The following HPN variants were observed in gnomAD, a reference collection of about 807,000 sequenced individuals.
HPN encodes the protein serine protease hepsin.
In HPN, 13 loss-of-function variants were observed where a neutral mutation model predicts 55.9. The ratio of observed to expected loss-of-function variants is 0.23; its 90% CI spans 0.15 to 0.37. The LOEUF is 0.37. Ranked by LOEUF, HPN falls within the 10% of genes least tolerant of loss-of-function variation. HPN has a pLI of 1.00. For missense variants in HPN, 451 were observed against 575.8 expected (o/e 0.78, Z 2.22); for synonymous variants, 225 against 240.3 (o/e 0.94, Z 0.59).
chr19:35,060,648 A>C lies in HPN; in HGVS notation c.642A>C (p.Arg214=). The C allele has an allele frequency of 4.3e-6, 7 of 1,614,082 alleles. No homozygotes were observed. The highest frequency in any genetic ancestry group is 4.2e-6 in the Non-Finnish European group (5 of 1,180,036). Residue 214 remains arginine (R), a synonymous_variant, in exon 9 of 13, where the codon CGA becomes CGC. Coordinates refer to ENST00000672452, the MANE Select transcript of HPN (RefSeq NM_001384133.1). ...CFPERNRVLS[R]WRVFAGAVAQ... is the part of the protein sequence containing the mutation. ...GTAGGCGGAACCGGGTCCTGTCCCG[A>C]TGGCGAGTGTTTGCCGGTGCCGTGG...
intron 1 of HPN, 65 bp from the exon 2 acceptor site, chr19:35,042,388 G>T: frequency 6.7e-7 from 1 of 1,482,480 alleles, no homozygotes. Context: ...CCTGGGACTG[G>T]GGGCGCCAGG....
At chr19:35,063,166 T>C (rs2064556171) in intron 9 of HPN, among the ~76,000 whole-genome samples, 1 of 152,160 alleles carries the variant, frequency 6.6e-6, no homozygotes, top group South Asian at 2.1e-4. Flanking sequence ...GATCCTGTTT[T>C]CCACCCAGGA....
chr19:35,047,498 C>T (rs1010616735), intron 2 of HPN, among the ~76,000 whole-genome samples: 4 of 152,216 alleles, frequency 2.6e-5, no homozygotes, highest in African/African-American at 9.6e-5. Flanking sequence ...GCCTCTGCCA[C>T]AATCTGGAAA....
chr19:35,051,152 A>C (rs1387619132), intron 4 of HPN, among the ~76,000 whole-genome samples: 1 of 152,146 alleles, frequency 6.6e-6, no homozygotes, highest in African/African-American at 2.4e-5. Flanking sequence ...TGTGTCGCCC[A>C]GGCAGGAGTG....
At chr19:35,049,589 G>T in intron 4 of HPN, 73 bp downstream of exon 4, 2 of 1,329,302 alleles carry the variant, frequency 1.5e-6, no homozygotes, top group South Asian at 1.3e-5. Context: ...CTCAACAAGC[G>T]TATTTGTTGA....
At chr19:35,051,698 AAG>A (rs1002221477) in intron 4 of HPN, among the ~76,000 whole-genome samples, 1 of 152,078 alleles carries the variant, frequency 6.6e-6, no homozygotes, top group African/African-American at 2.4e-5. Context: ...AAAAAAAAAA[AAG>A]AACAGCTGAA....
chr19:35,051,408 C>T (rs1249288451), intron 4 of HPN, among the ~76,000 whole-genome samples: 1 of 152,172 alleles, frequency 6.6e-6, no homozygotes, highest in Non-Finnish European at 1.5e-5. Flanking sequence ...CACACCCAAC[C>T]TCATTTTTTA....
At chr19:35,064,678 T>C (rs890855338) in intron 9 of HPN, among the ~76,000 whole-genome samples, 12 of 152,112 alleles carry the variant, frequency 7.9e-5, no homozygotes, top group African/African-American at 2.7e-4. Context: ...GACACGTGAC[T>C]TGGCCTCATT....
At chr19:35,056,733 G>A (rs189918178) in intron 4 of HPN, among the ~76,000 whole-genome samples, 404 of 152,238 alleles carry the variant, frequency 2.7e-3, no homozygotes, top group Non-Finnish European at 4.3e-3. Context: ...GACTGTCTCG[G>A]CCATCTGTGT....
chr19:35,056,378 A>T (rs979392523), intron 4 of HPN, among the ~76,000 whole-genome samples: 1 of 152,092 alleles, frequency 6.6e-6, no homozygotes, highest in Non-Finnish European at 1.5e-5. Context: ...TGTTCATTGC[A>T]GTGGTGATTT....
Position 35,065,611 on chromosome 19 carries a change from T to C in HPN, c.980T>C (p.Phe327Ser), listed in dbSNP as rs1358111509. The C allele has an allele frequency of 6.2e-7, 1 of 1,614,008 alleles. No homozygotes were observed. Among genetic ancestry groups the C allele is most frequent in the African/African-American group, 1.3e-5 (1 of 74,916 alleles). ...AATGATGTCTGCAATGGCGCTGACT[T>C]CTATGGAAACCAGATCAAGCCCAAG... ...ISNDVCNGADFYGNQIKPKMF... is the reference protein window; with the variant it reads ...ISNDVCNGADSYGNQIKPKMF... Residue 327 changes from phenylalanine (F) to serine (S), a missense_variant, in exon 11 of 13, where the codon TTC (phenylalanine) becomes TCC (serine). Physicochemically the swap from Phe to Ser is radical, Grantham distance 155. Around this residue, in one of 2 missense-constraint regions of HPN, gnomAD observed 73 missense variants for 130.3 expected, o/e 0.56. Coordinates refer to ENST00000672452, the MANE Select transcript of HPN (RefSeq NM_001384133.1).
chr19:35,041,677 T>TGGC, upstream of HPN: 1 of 706,586 alleles, frequency 1.4e-6, no homozygotes, highest in Non-Finnish European at 1.7e-6. Context: ...GTCCGGCCCC[T>TGGC]CCCCGCCCCT....
chr19:35,042,331 G>C, intron 1 of HPN, 122 bp from the exon 2 acceptor site: 1 of 1,419,114 alleles, frequency 7.0e-7, no homozygotes, highest in East Asian at 2.7e-5. Flanking sequence ...CGTGATCACG[G>C]CGTGCTCTGG....
chr19:35,047,163 C>T (rs890243755), intron 2 of HPN, among the ~76,000 whole-genome samples: 1 of 152,204 alleles, frequency 6.6e-6, no homozygotes, highest in Non-Finnish European at 1.5e-5. Context: ...CCTCTTTGCC[C>T]TGGGAATAAA....
chr19:35,057,680 A>C (rs1406027358), intron 4 of HPN, among the ~76,000 whole-genome samples: 1 of 152,184 alleles, frequency 6.6e-6, no homozygotes, highest in African/African-American at 2.4e-5. Flanking sequence ...TGGTGATTAT[A>C]GTTAATAACA....
chr19:35,047,919 G>T (rs974107333), intron 2 of HPN, among the ~76,000 whole-genome samples: 6 of 151,000 alleles, frequency 4.0e-5, no homozygotes, highest in Non-Finnish European at 8.9e-5. Flanking sequence ...GAGCCTGAGC[G>T]CTTGAGACTG....
rs1358232831 is a variant in HPN, at chr19:35,065,677, G to A, written c.1046G>A (p.Cys349Tyr). The A allele has an allele frequency of 2.5e-6, 4 of 1,614,078 alleles. No individual in the cohort carries two copies. The highest frequency in any genetic ancestry group is 2.5e-6 in the Non-Finnish European group (3 of 1,180,008). ...TACCCCGAGGGTGGCATTGATGCCT[G>A]CCAGGTGAGGGACTCTGTAGGGGCA... ...AGYPEGGIDA[C>Y]QGDSGGPFVC... is the part of the protein sequence containing the mutation. The change falls in exon 11 of 13, where the codon TGC (cysteine) becomes TAC (tyrosine). Residue 349 changes from cysteine (C) to tyrosine (Y), a missense_variant. By Grantham distance (194) the Cys-to-Tyr change is radical (BLOSUM62 -2). Coordinates refer to ENST00000672452, the MANE Select transcript of HPN (RefSeq NM_001384133.1).
chr19:35,057,724 TTTTAA>T (rs2064470328), intron 4 of HPN, among the ~76,000 whole-genome samples: 1 of 152,180 alleles, frequency 6.6e-6, no homozygotes, highest in African/African-American at 2.4e-5. Context: ...CTAAAAGATA[TTTTAA>T]GTGTTCTCAC....
intron 2 of HPN, among the ~76,000 whole-genome samples, chr19:35,045,655 G>A (rs553576527): frequency 3.3e-5 from 5 of 151,768 alleles, no homozygotes; most frequent in Non-Finnish European, 7.4e-5. Flanking sequence ...CGTGCCGCCT[G>A]TCCCAGTAGA....
Sources: allele counts gnomAD v4.1 joint callset (sites outside exome capture counted in the v4.1 genomes callset), GRCh38; gene constraint gnomAD v4.1.1; regional missense constraint gnomAD v4.1.1; transcripts MANE v1.5; gene names NCBI Gene and HGNC (gene_info 2026-07-23, HGNC 2026-07-21).